The following PAK2 variants were observed in gnomAD, a reference collection of about 807,000 sequenced individuals.
PAK2 encodes p21 (RAC1) activated kinase 2.
PAK2 carries 21 observed loss-of-function variants against 65.9 expected under a neutral mutation model. The ratio of observed to expected loss-of-function variants is 0.32; its 90% CI spans 0.23 to 0.46. The LOEUF is 0.46. Among genes scored for constraint, PAK2 ranks in the 20% least tolerant of loss-of-function variants. The pLI, the probability that PAK2 is intolerant of heterozygous loss-of-function variation, is 1.00. For missense variants in PAK2, 324 were observed against 642.6 expected (o/e 0.50, Z 5.36); for synonymous variants, 204 against 219.7 (o/e 0.93, Z 0.63).
At chr3:196,790,936 C>G (rs764288766) in intron 2 of PAK2, among the ~76,000 whole-genome samples, 30 of 152,140 alleles carry the variant, frequency 2.0e-4, no homozygotes, top group Non-Finnish European at 4.1e-4. Flanking sequence ...CTTTATATTC[C>G]TTTGTATCTG....
At chr3:196,811,642 C>T (rs1239727655) in intron 8 of PAK2, among the ~76,000 whole-genome samples, 1 of 151,832 alleles carries the variant, frequency 6.6e-6, no homozygotes, top group Non-Finnish European at 1.5e-5. Flanking sequence ...AATGAACAAG[C>T]AATACCTATC....
rs149522539 is a variant in PAK2 at position 196,751,674 on chromosome 3, C to CATATATATATATATATATAT, written c.-22+11519_-22+11538dup. ...AAAAACACACAAATTTATTTATATA[C>CATATATATATATATATATAT]ATATATATATATATATATATAATTC... On this transcript the variant is annotated intron_variant, in intron 1 of 14. Coordinates refer to ENST00000327134, the MANE Select transcript of PAK2 (RefSeq NM_002577.4). Among the ~76,000 whole-genome samples the CATATATATATATATATATAT allele has an allele frequency of 3.0e-3, 213 of 71,766 alleles. 8 individuals are homozygous for CATATATATATATATATATAT. The highest frequency in any genetic ancestry group is 0.013 in the African/African-American group (174 of 13,246). 47.1% of individuals were successfully genotyped at this position (71,766 alleles called of 152,430 possible).
chr3:196,758,735 C>A (rs116160251), intron 1 of PAK2, among the ~76,000 whole-genome samples: 2,653 of 152,262 alleles, frequency 0.017, 74 homozygotes, highest in African/African-American at 0.061. Context: ...CAGCTCACAG[C>A]AGCCTCCACT....
In PAK2 at chr3:196,792,117, G is replaced by A. The variant is rs182962721; in HGVS notation, c.187+9284G>A. Among the ~76,000 whole-genome samples, 350 of 152,278 alleles carry A rather than the reference G, an allele frequency of 2.3e-3. 7 individuals carry two copies. Among genetic ancestry groups the A allele is most frequent in the Non-Finnish European group, 2.6e-4 (18 of 68,020 alleles). Reference sequence around the variant, plus strand: ...GGTGCCCACCTCGGACCAGTCATCTGTGACCATAGTCGTGTAAGAAAATGG... The same window carrying A: ...GGTGCCCACCTCGGACCAGTCATCTATGACCATAGTCGTGTAAGAAAATGG... On this transcript the variant is annotated intron_variant, in intron 2 of 14. Coordinates refer to ENST00000327134, the MANE Select transcript of PAK2 (RefSeq NM_002577.4).
In PAK2 at chr3:196,828,518, G is replaced by C. The variant is rs1711959346; in HGVS notation, c.*113G>C. On this transcript the variant is annotated 3_prime_UTR_variant, in exon 15 of 15. Transcript: ENST00000327134. ...AAGAAATGGTCTGCATAACCTGAAT[G>C]AAAGAAGCAAATGACTATTCTCTGA... 1 of 715,462 alleles carries C rather than the reference G, an allele frequency of 1.4e-6. No homozygotes were observed. Among genetic ancestry groups the C allele is most frequent in the Non-Finnish European group, 2.5e-6 (1 of 407,990 alleles). 44.3% of individuals were successfully genotyped at this position (715,462 alleles called of 1,614,324 possible).
At chr3:196,757,375 G>C (rs1713803310) in intron 1 of PAK2, among the ~76,000 whole-genome samples, 1 of 152,170 alleles carries the variant, frequency 6.6e-6, no homozygotes, top group Non-Finnish European at 1.5e-5. Context: ...GAGAAATCTA[G>C]AACTCACTGT....
intron 13 of PAK2, among the ~76,000 whole-genome samples, chr3:196,824,920 A>C (rs1166572973): frequency 1.3e-5 from 2 of 152,202 alleles, no homozygotes; most frequent in Non-Finnish European, 2.9e-5. Context: ...GTTCATTTGT[A>C]ACAAATGTCC....
chr3:196,781,738 C>T (rs1028176745), intron 1 of PAK2, among the ~76,000 whole-genome samples: 15 of 152,120 alleles, frequency 9.9e-5, no homozygotes, highest in Admixed American at 8.5e-4. Context: ...GTGGATAAGG[C>T]GGGTGGATAA....
In PAK2 at chr3:196,759,517, T is replaced by G. The variant is rs1231871759; in HGVS notation, c.-22+19360T>G. On this transcript the variant is annotated intron_variant, in intron 1 of 14. Transcript: ENST00000327134. Reference sequence around the variant, plus strand: ...TTTTTTGTTTTTTTTTTTTTTTTTTTTTTTTTTTTTTTTTTTTTTTGAGAT... The same window carrying G: ...TTTTTTGTTTTTTTTTTTTTTTTTTGTTTTTTTTTTTTTTTTTTTTGAGAT... 6.8e-3 allele frequency among the ~76,000 whole-genome samples: 856 copies of G among 125,994 alleles called. 16 individuals carry two copies. The highest frequency in any genetic ancestry group is 0.011 in the Non-Finnish European group (690 of 60,340). The allele number at this position is 125,994 out of a possible 152,430, so 82.7% of individuals were successfully genotyped here.
rs1712036460 is a variant in PAK2, at chr3:196,830,460, G to C, written c.*2055G>C. On this transcript the variant is annotated 3_prime_UTR_variant, in exon 15 of 15. Coordinates refer to ENST00000327134, the MANE Select transcript of PAK2 (RefSeq NM_002577.4). ...TAAAGAAGATGCTACCAATGAAATA[G>C]AAAACCAACGAGATGAGAAGACTGT... 1 of 150,856 alleles carries C rather than the reference G, an allele frequency of 6.6e-6. No individual in the cohort carries two copies. The highest frequency in any genetic ancestry group is 1.5e-5 in the Non-Finnish European group (1 of 68,026). The allele number at this position is 150,856 out of a possible 1,614,324, so 9.3% of individuals were successfully genotyped here.
rs13062353 is a variant in PAK2, at chr3:196,791,740, A to G, written c.187+8907A>G. ...GAGATCAAGACCATCCTGGCTAACA[A>G]GGTGAAACCCCGTCTCTACTAAAAA... On this transcript the variant is annotated intron_variant, in intron 2 of 14. Transcript: ENST00000327134. This position sits in a 1 kb window ranked among gnomAD's most constrained non-coding sequence, Gnocchi z 4.0. Among the ~76,000 whole-genome samples the G allele has an allele frequency of 0.3, 45,811 of 151,836 alleles. 7,721 individuals are homozygous for G. Among genetic ancestry groups the G allele is most frequent in the African/African-American group, 0.43 (17,891 of 41,432 alleles).
chr3:196,825,441 A>G (rs1170241080), intron 13 of PAK2, among the ~76,000 whole-genome samples: 2 of 151,934 alleles, frequency 1.3e-5, no homozygotes, highest in African/African-American at 4.9e-5. Context: ...TGGGAGTTTA[A>G]GACCAGCCTG....
At chr3:196,808,288 C>T (rs9822218) in intron 7 of PAK2, among the ~76,000 whole-genome samples, 41 of 151,396 alleles carry the variant, frequency 2.7e-4, no homozygotes, top group African/African-American at 7.8e-4. Context: ...TTGGGCTGGG[C>T]GCGGTGGCTC....
chr3:196,765,431 G>A (rs540737062), intron 1 of PAK2, among the ~76,000 whole-genome samples: 2 of 152,140 alleles, frequency 1.3e-5, no homozygotes, highest in South Asian at 2.1e-4. Context: ...TTACAGGTGC[G>A]AGCCACCGCA....
chr3:196,819,664 T>C (rs75335159), intron 12 of PAK2, among the ~76,000 whole-genome samples: 2,492 of 152,196 alleles, frequency 0.016, 157 homozygotes, highest in Admixed American at 0.12. Context: ...GGTTTAACAG[T>C]ATAAGAAAGA....
At position 196,820,620 on chromosome 3, in the gene PAK2, T is replaced by C. The variant is rs1711612923; in HGVS notation, c.1350+53T>C. 4 of 1,053,076 alleles carry C rather than the reference T, an allele frequency of 3.8e-6. No homozygotes were observed. The highest frequency in any genetic ancestry group is 1.8e-5 in the South Asian group (1 of 56,628). 65.2% of individuals were successfully genotyped at this position (1,053,076 alleles called of 1,614,324 possible). ...TCAATGTTTTTCTTTGAAACTCTTA[T>C]TTAGAACTTGCACGTGCCTGGCACT... On this transcript the variant is annotated intron_variant, in intron 13 of 14. Transcript: ENST00000327134. This position sits in a 1 kb window ranked among gnomAD's most constrained non-coding sequence, Gnocchi z 4.6.
chr3:196,787,051 T>C (rs1453942680), intron 2 of PAK2, among the ~76,000 whole-genome samples: 2 of 151,996 alleles, frequency 1.3e-5, no homozygotes, highest in Non-Finnish European at 2.9e-5. Flanking sequence ...CTCAAACTCC[T>C]GAGCTCAAAC....
At chr3:196,826,464 G>C (rs1711879015) in intron 13 of PAK2, among the ~76,000 whole-genome samples, 1 of 151,918 alleles carries the variant, frequency 6.6e-6, no homozygotes, top group African/African-American at 2.4e-5. Flanking sequence ...GAGCCACCAT[G>C]CCCGGCCTTG....
chr3:196,812,718 TC>T lies in PAK2; in HGVS notation c.823-20del, dbSNP rs746994260. On this transcript the variant is annotated intron_variant, in intron 9 of 14. Transcript: ENST00000327134. ...AGAGAATTCCTAAACCTGGTTTTTT[TC>T]AATCCTGTTTTCATTATAGGTTGCT... The T allele has an allele frequency of 9.1e-7, 1 of 1,096,576 alleles. No homozygotes were observed. Among genetic ancestry groups the T allele is most frequent in the South Asian group, 1.3e-5 (1 of 77,526 alleles). The allele number at this position is 1,096,576 out of a possible 1,614,324, so 67.9% of individuals were successfully genotyped here. A position where few individuals can be genotyped will look rare whatever the true frequency, so the allele number is the denominator to read the frequency against.
Sources: gnomAD v4.1 joint callset for allele counts (sites outside exome capture counted in the v4.1 genomes callset) on GRCh38, gnomAD v4.1.1 for gene constraint, Gnocchi (gnomAD v3.1) non-coding constraint, MANE v1.5 for transcripts, NCBI Gene and HGNC (gene_info 2026-07-23, HGNC 2026-07-21) for gene names.